Variants in WASHC5 observed in about 807,000 individuals in gnomAD.
WASHC5 encodes WASH complex subunit 5, also known as WASH complex subunit strumpellin.
Under a neutral mutation model 150.4 loss-of-function variants are expected in WASHC5, and 101 were observed. The observed-to-expected ratio is 0.67, with a 90% CI of 0.57 to 0.79. The LOEUF is 0.79. Ranked by LOEUF, WASHC5 falls within the 30% of genes least tolerant of loss-of-function variation. The pLI, the probability that WASHC5 is intolerant of heterozygous loss-of-function variation, is 0.00. For synonymous variants in WASHC5, 467 were observed against 491.2 expected, an observed-to-expected ratio of 0.95 and a Z score of 0.65; for missense variants, 1,195 against 1,396.3, an observed-to-expected ratio of 0.86 and a Z score of 2.30.
chr8:125,078,951 G>A (rs753188524), intron 5 of WASHC5, 21 bp from the exon 6 acceptor site: 9 of 1,601,500 alleles, frequency 5.6e-6, no homozygotes, highest in Non-Finnish European at 6.8e-6. Context: ...TTCACAATGG[G>A]AAACAAAGAC....
chr8:125,037,565 T>C (rs567420488), intron 25 of WASHC5, among the ~76,000 whole-genome samples: 4 of 152,288 alleles, frequency 2.6e-5, no homozygotes, highest in Middle Eastern at 6.8e-3. Context: ...CAATTTTGCT[T>C]AGAAAGACTT....
At chr8:125,087,739 A>G (rs1817462612) in intron 1 of WASHC5, among the ~76,000 whole-genome samples, 1 of 152,062 alleles carries the variant, frequency 6.6e-6, no homozygotes, top group Admixed American at 6.6e-5. Context: ...TCAAAAAAAA[A>G]AAAAAAAAAA....
At chr8:125,078,282 A>T (rs1001345098) in intron 6 of WASHC5, among the ~76,000 whole-genome samples, 2 of 151,958 alleles carry the variant, frequency 1.3e-5, no homozygotes, top group Non-Finnish European at 2.9e-5. Flanking sequence ...ACCTGTTGTG[A>T]CCTTGCTGCC....
rs996609958 is a variant in WASHC5, at chr8:125,024,356, T to C, written c.*261A>G. On this transcript the variant is annotated 3_prime_UTR_variant, in exon 29 of 29. Transcript: ENST00000318410. ...AATGGATTTATACATAACAGTTACA[T>C]TCAGCATTTAAGAGAGGCAGTACAA... 3 of 536,588 alleles carry C rather than the reference T, an allele frequency of 5.6e-6. No homozygotes were observed. The African/African-American group carries it at 5.7e-5, about 10-fold the overall frequency. The allele number at this position is 536,588 out of a possible 1,614,324, so 33.2% of individuals were successfully genotyped here. A position where few individuals can be genotyped will look rare whatever the true frequency, so the allele number is the denominator to read the frequency against.
chr8:125,071,597 T>C (rs191470508), intron 9 of WASHC5, among the ~76,000 whole-genome samples: 300 of 152,344 alleles, frequency 2.0e-3, no homozygotes, highest in South Asian at 0.013. Flanking sequence ...TCCTGATTCC[T>C]GTATGGGGTT....
intron 18 of WASHC5, 29 bp from the exon 19 acceptor site, chr8:125,049,214 T>C: frequency 6.2e-7 from 1 of 1,608,978 alleles, no homozygotes. Flanking sequence ...ATAAAGCTCT[T>C]ACACTGGAGT....
At chr8:125,027,054 A>G (rs1203637493) in intron 28 of WASHC5, among the ~76,000 whole-genome samples, 1 of 152,140 alleles carries the variant, frequency 6.6e-6, no homozygotes, top group Non-Finnish European at 1.5e-5. Context: ...GTGTTCTTTC[A>G]TATTTCTTAT....
At chr8:125,085,483 C>A (rs1308531451) in intron 1 of WASHC5, among the ~76,000 whole-genome samples, 1 of 152,064 alleles carries the variant, frequency 6.6e-6, no homozygotes, top group African/African-American at 2.4e-5. Flanking sequence ...AAAGAGAGAA[C>A]AGAGAGAGAA....
intron 1 of WASHC5, among the ~76,000 whole-genome samples, chr8:125,091,385 T>A (rs1377405807): frequency 6.6e-6 from 1 of 152,146 alleles, no homozygotes; most frequent in African/African-American, 2.4e-5. Flanking sequence ...ACCAAGCAGC[T>A]GAACGGTGCT....
intron 18 of WASHC5, among the ~76,000 whole-genome samples, chr8:125,050,169 T>C (rs554050384): frequency 6.6e-6 from 1 of 152,110 alleles, no homozygotes; most frequent in Admixed American, 6.5e-5. Flanking sequence ...AAAATGACCA[T>C]ATTCCCTAGC....
At chr8:125,070,665 A>G (rs1329651201) in intron 9 of WASHC5, among the ~76,000 whole-genome samples, 1 of 152,250 alleles carries the variant, frequency 6.6e-6, no homozygotes, top group African/African-American at 2.4e-5. Context: ...CTCAAATTAG[A>G]ACTGGAGTTT....
chr8:125,062,495 G>A (rs1213354259), intron 11 of WASHC5, among the ~76,000 whole-genome samples: 1 of 152,106 alleles, frequency 6.6e-6, no homozygotes, highest in East Asian at 1.9e-4. Context: ...TGTTTTGCAG[G>A]TCACAATATG....
At chr8:125,078,962 C>A (rs1309240613) in intron 5 of WASHC5, 32 bp from the exon 6 acceptor site, 1 of 1,559,208 alleles carries the variant, frequency 6.4e-7, no homozygotes, top group Non-Finnish European at 8.8e-7. Flanking sequence ...AAACAAAGAC[C>A]CAAAACACAC....
intron 8 of WASHC5, among the ~76,000 whole-genome samples, chr8:125,073,963 C>G (rs1816976386): frequency 6.6e-6 from 1 of 152,188 alleles, no homozygotes; most frequent in South Asian, 2.1e-4. Flanking sequence ...GAAGGCAGAA[C>G]AGAGCAGAAA....
chr8:125,038,402 A>C (rs1161355334), intron 25 of WASHC5, among the ~76,000 whole-genome samples: 1 of 152,166 alleles, frequency 6.6e-6, no homozygotes, highest in African/African-American at 2.4e-5. Context: ...AAAAACTTTC[A>C]GTTCTTAGAG....
intron 10 of WASHC5, among the ~76,000 whole-genome samples, chr8:125,066,927 G>A (rs988344302): frequency 2.6e-5 from 4 of 152,240 alleles, no homozygotes; most frequent in African/African-American, 9.6e-5. Flanking sequence ...CTACCAGGAT[G>A]CAACAGGATA....
intron 9 of WASHC5, among the ~76,000 whole-genome samples, chr8:125,069,980 T>C (rs1245191938): frequency 4.6e-5 from 7 of 152,240 alleles, no homozygotes; most frequent in Non-Finnish European, 8.8e-5. Context: ...CTTTAACATT[T>C]AGCTTCTTGG....
chr8:125,083,921 G>T lies in WASHC5; in HGVS notation c.-23C>A. The T allele has an allele frequency of 6.2e-7, 1 of 1,609,886 alleles. No homozygotes were observed. The highest frequency in any genetic ancestry group is 8.5e-7 in the Non-Finnish European group (1 of 1,177,402). ...CATTGTGAGGCGGACCGACTACTCT[G>T]TGCCTGGACACTGGGGATGATTAAC... On this transcript the variant is annotated 5_prime_UTR_variant, in exon 2 of 29. Transcript: ENST00000318410.
At chr8:125,026,844 T>A (rs972605846) in intron 28 of WASHC5, among the ~76,000 whole-genome samples, 33 of 152,018 alleles carry the variant, frequency 2.2e-4, no homozygotes, top group Admixed American at 1.2e-3. Context: ...ATCTTTTTTT[T>A]AAAAAAGGAC....
Sources: allele counts gnomAD v4.1 joint callset (sites outside exome capture counted in the v4.1 genomes callset), GRCh38; gene constraint gnomAD v4.1.1; transcripts MANE v1.5; gene names NCBI Gene and HGNC (gene_info 2026-07-23, HGNC 2026-07-21).